Variants in GAB1 observed in about 807,000 individuals in gnomAD.
The protein encoded by GAB1 is GRB2-associated-binding protein 1.
Under a neutral mutation model 66.5 loss-of-function variants are expected in GAB1, and 19 were observed. The observed-to-expected ratio is 0.29, with a 90% CI of 0.20 to 0.42. The LOEUF (loss-of-function observed/expected upper bound fraction) is 0.42, where lower values mean the gene tolerates loss of function less well. Among genes scored for constraint, GAB1 ranks in the 10% least tolerant of loss-of-function variants. The pLI, the probability that GAB1 is intolerant of heterozygous loss-of-function variation, is 1.00. For synonymous variants in GAB1, 294 were observed against 301.4 expected (o/e 0.98, Z 0.25); for missense variants, 732 against 858.5 (o/e 0.85, Z 1.84).
At chr4:143,420,319 T>G (rs1732946014) in intron 2 of GAB1, among the ~76,000 whole-genome samples, 1 of 152,094 alleles carries the variant, frequency 6.6e-6, no homozygotes, top group Non-Finnish European at 1.5e-5. Flanking sequence ...AGAAAATAAC[T>G]GTCCCCAGTC....
chr4:143,359,104 G>A (rs1196246898), intron 1 of GAB1, among the ~76,000 whole-genome samples: 2 of 152,168 alleles, frequency 1.3e-5, no homozygotes, highest in Non-Finnish European at 2.9e-5. Context: ...AATGGTATGA[G>A]AAGTTAAACA....
intron 6 of GAB1, among the ~76,000 whole-genome samples, chr4:143,455,992 G>C (rs1005534044): frequency 2.6e-5 from 4 of 152,152 alleles, no homozygotes; most frequent in Non-Finnish European, 5.9e-5. Flanking sequence ...AGTGTAACCT[G>C]AACAAATCAC....
intron 2 of GAB1, among the ~76,000 whole-genome samples, chr4:143,423,792 GTA>G (rs35559967): frequency 0.025 from 1,664 of 67,270 alleles, 18 homozygotes; most frequent in East Asian, 0.12. Flanking sequence ...AAAAAAAAGT[GTA>G]TATATATATA....
intron 6 of GAB1, among the ~76,000 whole-genome samples, chr4:143,445,507 G>C (rs932731473): frequency 6.6e-6 from 1 of 152,090 alleles, no homozygotes; most frequent in Non-Finnish European, 1.5e-5. Context: ...CAGATGCATA[G>C]TTTGTGCATA....
intron 1 of GAB1, among the ~76,000 whole-genome samples, chr4:143,378,144 T>C (rs1250181543): frequency 5.3e-5 from 8 of 152,216 alleles, no homozygotes; most frequent in Non-Finnish European, 2.9e-5. Context: ...TGAAATAAAA[T>C]TGAAAAATTG....
chr4:143,426,038 G>T (rs1033180613), intron 2 of GAB1: 2 of 591,634 alleles, frequency 3.4e-6, no homozygotes, highest in Non-Finnish European at 5.9e-6. Context: ...CAGGTATAAG[G>T]TGTTAGAGTT....
Position 143,349,954 on chromosome 4 carries a change from C to A in GAB1, c.72+12694C>A, listed in dbSNP as rs985272446. 9 of 1,590,290 alleles carry A rather than the reference C, an allele frequency of 5.7e-6. No individual in the cohort carries two copies. The East Asian group carries it at 2.0e-4, about 36-fold the overall frequency. ...CTTGATCTTCATGTCCTTGACCAAG[C>A]GGCCCAACTTGGTGACGGGCATCCA... On this transcript the variant is annotated intron_variant, in intron 1 of 9. Coordinates refer to ENST00000262994, the MANE Select transcript of GAB1 (RefSeq NM_002039.4).
intron 8 of GAB1, among the ~76,000 whole-genome samples, chr4:143,462,841 T>G (rs1735571775): frequency 6.6e-6 from 1 of 152,164 alleles, no homozygotes; most frequent in African/African-American, 2.4e-5. Flanking sequence ...TTTGTGTTTT[T>G]GGTAGAGACA....
intron 8 of GAB1, among the ~76,000 whole-genome samples, chr4:143,464,961 T>G (rs1735703910): frequency 6.6e-6 from 1 of 152,240 alleles, no homozygotes; most frequent in East Asian, 1.9e-4. Context: ...TCATAACATG[T>G]ATAAATTTTT....
chr4:143,346,513 G>A (rs777142660), intron 1 of GAB1, among the ~76,000 whole-genome samples: 7 of 152,128 alleles, frequency 4.6e-5, no homozygotes, highest in East Asian at 1.9e-4. Context: ...CTTGATTATC[G>A]AGAGAGAAGT....
At chr4:143,454,547 T>C (rs993549871) in intron 6 of GAB1, among the ~76,000 whole-genome samples, 3 of 152,188 alleles carry the variant, frequency 2.0e-5, no homozygotes, top group Non-Finnish European at 4.4e-5. Flanking sequence ...CAAGATCTGA[T>C]TGGTGAATGA....
intron 1 of GAB1, among the ~76,000 whole-genome samples, chr4:143,392,628 T>A (rs755235658): frequency 6.6e-6 from 1 of 152,174 alleles, no homozygotes. Flanking sequence ...TTTTTATGAT[T>A]TCTGAATTCC....
chr4:143,425,237 T>C lies in GAB1; in HGVS notation c.368-8254T>C, dbSNP rs577906855. On this transcript the variant is annotated intron_variant, in intron 2 of 9. Transcript: ENST00000262994. ...GGGAGAAGCTTCTGCTGGCAGCTCA[T>C]GCCATTGTTGCCGTTGAAAACCCTG... is the stretch of plus-strand genomic sequence containing the variant. 5.2e-5 allele frequency: 48 copies of C among 927,000 alleles called. No homozygotes were observed. The East Asian group carries it at 1.1e-3, about 22-fold the overall frequency. The allele number at this position is 927,000 out of a possible 1,614,324, so 57.4% of individuals were successfully genotyped here. A position where few individuals can be genotyped will look rare whatever the true frequency, so the allele number is the denominator to read the frequency against.
At chr4:143,431,146 A>G (rs1434893101) in intron 2 of GAB1, among the ~76,000 whole-genome samples, 1 of 152,208 alleles carries the variant, frequency 6.6e-6, no homozygotes, top group Non-Finnish European at 1.5e-5. Context: ...TCCAGTAACC[A>G]CAAGATTTTT....
chr4:143,458,864 T>G (rs1735336627), intron 6 of GAB1, among the ~76,000 whole-genome samples: 1 of 152,058 alleles, frequency 6.6e-6, no homozygotes, highest in Admixed American at 6.6e-5. Context: ...GCATGAATTA[T>G]TTTAAAAGAT....
rs1192836774 is a variant in GAB1 at position 143,448,959 on chromosome 4, G to A, written c.1585+8577G>A. On this transcript the variant is annotated intron_variant, in intron 6 of 9. Transcript: ENST00000262994. The stretch of plus-strand genomic sequence containing the variant: ...TAAATTTCCCTCTACACACTGCTTT[G>A]AATGTGTCCCAGAGATTCTGGTATG... Among the ~76,000 whole-genome samples, 5 of 152,084 alleles carry A rather than the reference G, an allele frequency of 3.3e-5. No homozygotes were observed. The East Asian group carries it at 7.7e-4, about 24-fold the overall frequency.
chr4:143,438,207 G>C lies in GAB1; in HGVS notation c.802G>C (p.Asp268His). The C allele has an allele frequency of 6.2e-7, 1 of 1,614,036 alleles. No homozygotes were observed. Among genetic ancestry groups the C allele is most frequent in the Non-Finnish European group, 8.5e-7 (1 of 1,180,008 alleles). Residue 268 changes from aspartate to histidine, a missense_variant, in exon 4 of 10, where the codon GAT becomes CAT. Asp to His is a moderately conservative substitution (Grantham distance 81). Around this residue, in one of 4 missense-constraint regions of GAB1, gnomAD observed 427 missense variants for 420.6 expected, o/e 1.02. Transcript: ENST00000262994. ...LYNLPRSYSH[D>H]VLPKVSPSST... ...TAACCTGCCCAGGAGTTATTCCCAT[G>C]ATGTTTTACCAAAGGTGTCTCCATC...
At chr4:143,407,559 A>G (rs776184336) in intron 1 of GAB1, among the ~76,000 whole-genome samples, 1 of 152,158 alleles carries the variant, frequency 6.6e-6, no homozygotes, top group Non-Finnish European at 1.5e-5. Context: ...GTTCTGCATT[A>G]TTTTCAGTGT....
At chr4:143,453,443 T>G (rs2149782845) in intron 6 of GAB1, among the ~76,000 whole-genome samples, 1 of 152,310 alleles carries the variant, frequency 6.6e-6, no homozygotes, top group South Asian at 2.1e-4. Flanking sequence ...CATCTGCTTT[T>G]GGCTCATACG....
Sources: gnomAD v4.1 joint callset for allele counts (sites outside exome capture counted in the v4.1 genomes callset) on GRCh38, gnomAD v4.1.1 for gene constraint, gnomAD v4.1.1 regional missense constraint, MANE v1.5 for transcripts, NCBI Gene and HGNC (gene_info 2026-07-23, HGNC 2026-07-21) for gene names.